Variants in KRTAP4-9 observed in about 807,000 individuals in gnomAD.
The protein encoded by KRTAP4-9 is keratin associated protein 4-9, also known as keratin-associated protein 4-9.
KRTAP4-9 carries 4 observed loss-of-function variants against 4.3 expected under a neutral mutation model. The ratio of observed to expected loss-of-function variants is 0.94; its 90% CI spans 0.46 to 2.15. The LOEUF (loss-of-function observed/expected upper bound fraction) is 2.15. Ranked by LOEUF, KRTAP4-9 falls within the 30% of genes most tolerant of loss-of-function variation. KRTAP4-9 has a pLI of 0.02. For missense variants in KRTAP4-9, 297 were observed against 278.5 expected (o/e 1.07, Z -0.47); for synonymous variants, 111 against 99.2 (o/e 1.12, Z -0.70).
exon 1 of KRTAP4-9, chr17:41,105,523 T>C: frequency 4.5e-6 from 7 of 1,562,758 alleles, no homozygotes; most frequent in Non-Finnish European, 6.0e-6. Flanking sequence ...CCAGCTGTTG[T>C]GTATCCAGCT....
chr17:41,106,218 T>A, exon 1 of KRTAP4-9: 2 of 1,028,232 alleles, frequency 1.9e-6, no homozygotes, highest in Non-Finnish European at 2.8e-6. Context: ...TCCCTTGCTT[T>A]CTTTTTCTTC....
exon 1 of KRTAP4-9, chr17:41,106,310 A>C: frequency 3.5e-6 from 2 of 575,506 alleles, no homozygotes; most frequent in East Asian, 6.4e-5. Flanking sequence ...CATTTTCTTT[A>C]TCACTTTGAG....
chr17:41,105,457 C>G (rs1007211380), exon 1 of KRTAP4-9: 2 of 1,611,018 alleles, frequency 1.2e-6, no homozygotes, highest in Non-Finnish European at 1.7e-6. Flanking sequence ...GTCAGGAGAC[C>G]TGCTGCCGCC....
chr17:41,105,599 C>G lies in KRTAP4-9; in HGVS notation c.211C>G (p.Gln71Glu), dbSNP rs750500124. 18 of 1,556,680 alleles carry G rather than the reference C, an allele frequency of 1.2e-5. No homozygotes were observed. In the African/African-American group the frequency reaches 1.3e-4, roughly 11 times the overall value. ...CACTTGTTCCCGCCCCAGCTGCTGT[C>G]AGACCACCTGTTGCAGGACCACCTG... The change falls in exon 1 of 1, where the codon CAG becomes GAG. Residue 71 changes from glutamine (Q) to glutamate (E), a missense_variant. Transcript: ENST00000391415.
exon 1 of KRTAP4-9, chr17:41,106,441 A>G (rs1403737360): frequency 4.6e-6 from 1 of 216,468 alleles, no homozygotes; most frequent in Non-Finnish European, 1.0e-5. Context: ...TGAATTTCTT[A>G]TGCTTTGTTG....
exon 1 of KRTAP4-9, chr17:41,105,870 G>T (rs188946528): frequency 1.0e-5 from 16 of 1,534,318 alleles, no homozygotes; most frequent in East Asian, 3.2e-5. Flanking sequence ...AGCTGCTGCC[G>T]CCCCTCTTGC....
exon 1 of KRTAP4-9, chr17:41,105,993 C>G: frequency 1.3e-6 from 2 of 1,592,204 alleles, no homozygotes; most frequent in African/African-American, 2.7e-5. Context: ...TGCCCCCGCC[C>G]CTTGTGCTGT....
exon 1 of KRTAP4-9, chr17:41,106,144 T>C (rs747603789): frequency 5.9e-5 from 84 of 1,423,020 alleles, no homozygotes; most frequent in Non-Finnish European, 7.7e-5. Flanking sequence ...GAACTCATGT[T>C]TCCAATGAGC....
At chr17:41,105,528 CCAG>C (rs1211066469) in exon 1 of KRTAP4-9, 1 of 1,563,352 alleles carries the variant, frequency 6.4e-7, no homozygotes, top group African/African-American at 1.5e-5. Context: ...TGTTGTGTAT[CCAG>C]CTGCTGCAGG....
chr17:41,105,904 C>T lies in KRTAP4-9; in HGVS notation c.516C>T (p.Pro172=), dbSNP rs554707367. The T allele has an allele frequency of 5.0e-6, 8 of 1,606,744 alleles. No individual in the cohort carries two copies. The African/African-American group carries it at 9.5e-5, about 19-fold the overall frequency. The change falls in exon 1 of 1, where the codon CCC becomes CCT. Residue 172 remains proline (P), a synonymous_variant. Coordinates refer to ENST00000391415, the Ensembl canonical transcript of KRTAP4-9. ...GCTGTGAATCCAGCTGCTGCCGCCC[C>T]TGCTGCTGCGTGCGTCCAGTCTGTG...
At chr17:41,105,502 C>A (rs2014066795) in exon 1 of KRTAP4-9, 1 of 1,566,640 alleles carries the variant, frequency 6.4e-7, no homozygotes, top group African/African-American at 1.5e-5. Context: ...GCAGGACCAC[C>A]TGCTGCCGCC....
chr17:41,106,149 A>C (rs1425373897), exon 1 of KRTAP4-9: 23 of 1,411,536 alleles, frequency 1.6e-5, no homozygotes, highest in African/African-American at 4.4e-5. Context: ...CATGTTTCCA[A>C]TGAGCCCATC....
chr17:41,106,073 C>A (rs2014086476), exon 1 of KRTAP4-9: 3 of 1,526,908 alleles, frequency 2.0e-6, no homozygotes, highest in Non-Finnish European at 2.6e-6. Context: ...CAGATGTAGA[C>A]CCTTCTACTG....
chr17:41,105,519 G>A (rs1402321038), exon 1 of KRTAP4-9: 2 of 1,563,900 alleles, frequency 1.3e-6, no homozygotes, highest in African/African-American at 1.5e-5. Context: ...CGCCCCAGCT[G>A]TTGTGTATCC....
At chr17:41,105,776 T>A (rs775429923) in exon 1 of KRTAP4-9, 1 of 1,605,338 alleles carries the variant, frequency 6.2e-7, no homozygotes, top group Non-Finnish European at 8.5e-7. Context: ...CCCCAGCTGC[T>A]GTGTGTCCAG....
exon 1 of KRTAP4-9, chr17:41,106,354 T>A: frequency 2.4e-6 from 1 of 420,286 alleles, no homozygotes; most frequent in Non-Finnish European, 4.3e-6. Flanking sequence ...GCAGACATTA[T>A]CTGCAGGACC....
At chr17:41,105,723 C>A in exon 1 of KRTAP4-9, 3 of 1,572,930 alleles carry the variant, frequency 1.9e-6, no homozygotes, top group Non-Finnish European at 2.6e-6. Context: ...TGCTGTGAGA[C>A]GACCTGCTGC....
rs2014073689 is a variant in KRTAP4-9, at chr17:41,105,695, A to G, written c.307A>G (p.Thr103Ala). The change falls in exon 1 of 1, where the codon ACT (threonine) becomes GCT (alanine). Residue 103 changes from threonine (T) to alanine (A), a missense_variant. By Grantham distance (58) the Thr-to-Ala change is moderately conservative (BLOSUM62 0). Transcript: ENST00000391415. Reference sequence around the variant, plus strand: ...CTGCCAGCCTGCGTGCTGCCAACCCACTTGCTGTCGCCCCAGCTGCTGTGA... The same window carrying G: ...CTGCCAGCCTGCGTGCTGCCAACCCGCTTGCTGTCGCCCCAGCTGCTGTGA... The G allele has an allele frequency of 1.3e-6, 2 of 1,567,714 alleles. No homozygotes were observed. The highest frequency in any genetic ancestry group is 1.8e-5 in the Admixed American group (1 of 55,176).
At chr17:41,106,001 T>A in exon 1 of KRTAP4-9, 2 of 1,589,754 alleles carry the variant, frequency 1.3e-6, no homozygotes, top group Non-Finnish European at 1.7e-6. Flanking sequence ...CCCCTTGTGC[T>A]GTGCCTCCTC....
Sources: gnomAD v4.1 joint callset for allele counts on GRCh38, gnomAD v4.1.1 for gene constraint, MANE v1.5 for transcripts, NCBI Gene and HGNC (gene_info 2026-07-23, HGNC 2026-07-21) for gene names.